Variants in R3HDM1 observed in about 807,000 individuals in gnomAD.
R3HDM1 encodes R3H domain containing 1, also known as R3H domain-containing protein 1.
A neutral mutation model predicts 141.1 loss-of-function variants in R3HDM1; 46 were observed. That is an observed-to-expected ratio of 0.33 (90% confidence interval 0.26 to 0.42). R3HDM1 has a LOEUF of 0.42. Ranked by LOEUF, R3HDM1 falls within the 10% of genes least tolerant of loss-of-function variation. R3HDM1 has a pLI of 1.00. For missense variants in R3HDM1, 1,184 were observed against 1,368.3 expected (o/e 0.87, Z 2.12); for synonymous variants, 435 against 472.9 (o/e 0.92, Z 1.04).
chr2:135,667,845 T>G lies in R3HDM1; in HGVS notation c.2152+6452T>G, dbSNP rs917348978. 4 of 835,590 alleles carry G rather than the reference T, an allele frequency of 4.8e-6. No homozygotes were observed. In the African/African-American group the frequency reaches 7.4e-5, roughly 16 times the overall value. 51.8% of individuals were successfully genotyped at this position (835,590 alleles called of 1,614,324 possible). ...AGAACTCTGTACCCACTCTTGCTTTTGTCTGAATAATTAGACAAGGAACCT... is the reference window on the plus strand; with the variant it reads ...AGAACTCTGTACCCACTCTTGCTTTGGTCTGAATAATTAGACAAGGAACCT... On this transcript the variant is annotated intron_variant, in intron 19 of 26. Transcript: ENST00000683871.
At chr2:135,705,515 G>A (rs1175720106) in intron 21 of R3HDM1, among the ~76,000 whole-genome samples, 1 of 152,150 alleles carries the variant, frequency 6.6e-6, no homozygotes, top group Admixed American at 6.5e-5. Flanking sequence ...GTGGGCGCTT[G>A]TAGTTAGCTA....
intron 1 of R3HDM1, among the ~76,000 whole-genome samples, chr2:135,557,311 T>G (rs1295542539): frequency 6.6e-6 from 1 of 152,180 alleles, no homozygotes; most frequent in Non-Finnish European, 1.5e-5. Context: ...AAGTATATCC[T>G]TTGTATCTTT....
Position 135,719,498 on chromosome 2 carries a change from G to C in R3HDM1, c.2882-2426G>C, listed in dbSNP as rs74602604. Among the ~76,000 whole-genome samples the C allele has an allele frequency of 2.0e-5, 3 of 151,778 alleles. No individual in the cohort carries two copies. The South Asian group carries it at 6.3e-4, about 32-fold the overall frequency. Reference sequence around the variant, plus strand: ...GTCTCAAAAATTAAAAAAAAAAAAGGAGTTATCCATTAGATATAAATGTTT... The same window carrying C: ...GTCTCAAAAATTAAAAAAAAAAAAGCAGTTATCCATTAGATATAAATGTTT... On this transcript the variant is annotated intron_variant, in intron 24 of 26. Transcript: ENST00000683871.
intron 21 of R3HDM1, among the ~76,000 whole-genome samples, chr2:135,680,567 C>T (rs2070107867): frequency 1.3e-5 from 2 of 152,296 alleles, no homozygotes; most frequent in African/African-American, 4.8e-5. Context: ...GTCAGGCATT[C>T]AAAACCAGCC....
intron 21 of R3HDM1, among the ~76,000 whole-genome samples, chr2:135,682,910 T>C (rs1031849665): frequency 1.3e-4 from 20 of 151,968 alleles, no homozygotes; most frequent in African/African-American, 4.8e-4. Context: ...GGCAGGATAA[T>C]TGCTTGAACC....
At chr2:135,646,665 TG>T (rs1376878305) in intron 16 of R3HDM1, among the ~76,000 whole-genome samples, 1 of 150,856 alleles carries the variant, frequency 6.6e-6, no homozygotes, top group Non-Finnish European at 1.5e-5. Context: ...CTGGCCCAAA[TG>T]GTGAAACCCC....
chr2:135,631,839 T>G (rs1230744436), intron 8 of R3HDM1, 22 bp from the exon 9 acceptor site: 13 of 1,596,576 alleles, frequency 8.1e-6, no homozygotes, highest in African/African-American at 1.4e-5. Context: ...ACTTACTAAG[T>G]TGGTTTTTCT....
intron 21 of R3HDM1, among the ~76,000 whole-genome samples, chr2:135,684,182 C>T (rs564741085): frequency 1.1e-4 from 16 of 152,098 alleles, no homozygotes; most frequent in Admixed American, 2.0e-4. Flanking sequence ...GCTTCACCTC[C>T]CAGGTTCACG....
chr2:135,532,562 A>ATAT (rs1559067933), intron 1 of R3HDM1, among the ~76,000 whole-genome samples: 1 of 150,390 alleles, frequency 6.6e-6, no homozygotes, highest in African/African-American at 2.4e-5. Context: ...AAATTTTCTA[A>ATAT]ATATATATAT....
chr2:135,550,045 C>T (rs1699547544), intron 1 of R3HDM1: 1 of 983,082 alleles, frequency 1.0e-6, no homozygotes, highest in Non-Finnish European at 1.2e-6. Context: ...TTCATAAGAC[C>T]CAAGTTTAAA....
At chr2:135,551,489 A>G (rs1487887299) in intron 1 of R3HDM1, among the ~76,000 whole-genome samples, 1 of 152,226 alleles carries the variant, frequency 6.6e-6, no homozygotes, top group Non-Finnish European at 1.5e-5. Context: ...CAATAATGAA[A>G]AAAAAACAGT....
intron 1 of R3HDM1, among the ~76,000 whole-genome samples, chr2:135,537,393 C>G: frequency 7.1e-6 from 1 of 140,246 alleles, no homozygotes. Flanking sequence ...TCAAGTGATT[C>G]TCCTTCCTCA....
intron 26 of R3HDM1, among the ~76,000 whole-genome samples, chr2:135,722,936 T>G (rs1363000676): frequency 6.6e-6 from 1 of 152,118 alleles, no homozygotes; most frequent in African/African-American, 2.4e-5. Context: ...TATTTTAACT[T>G]TCTACTCAGC....
At chr2:135,586,946 T>C in intron 1 of R3HDM1, 1 of 985,176 alleles carries the variant, frequency 1.0e-6, no homozygotes, top group Middle Eastern at 5.2e-4. Flanking sequence ...GAATGAGACT[T>C]TTGGAAATTA....
At chr2:135,723,169 T>C (rs978935145) in intron 26 of R3HDM1, among the ~76,000 whole-genome samples, 4 of 152,066 alleles carry the variant, frequency 2.6e-5, no homozygotes, top group African/African-American at 9.7e-5. Context: ...TTGCCCATGC[T>C]GGAGTGCAGT....
At chr2:135,667,085 T>C (rs910374876) in intron 19 of R3HDM1, 2 of 901,052 alleles carry the variant, frequency 2.2e-6, no homozygotes, top group African/African-American at 3.6e-5. Context: ...TTCTGTGTTA[T>C]TAAGAATGCT....
intron 6 of R3HDM1, 100 bp downstream of exon 6, chr2:135,621,708 A>G (rs899209412): frequency 2.3e-5 from 31 of 1,364,988 alleles, no homozygotes; most frequent in Non-Finnish European, 2.7e-5. Context: ...TTTATGTAAA[A>G]TGACACAGAA....
At chr2:135,642,819 G>A (rs1455941982) in intron 15 of R3HDM1, among the ~76,000 whole-genome samples, 1 of 151,996 alleles carries the variant, frequency 6.6e-6, no homozygotes, top group Non-Finnish European at 1.5e-5. Context: ...TTTTTAAGAC[G>A]AAGTATGCAA....
chr2:135,634,529 A>G (rs963568548), intron 9 of R3HDM1, among the ~76,000 whole-genome samples: 2 of 152,094 alleles, frequency 1.3e-5, no homozygotes, highest in Non-Finnish European at 2.9e-5. Flanking sequence ...CTGTAATTCC[A>G]CCTACTCAGA....
Sources: allele counts gnomAD v4.1 joint callset (sites outside exome capture counted in the v4.1 genomes callset), GRCh38; gene constraint gnomAD v4.1.1; transcripts MANE v1.5; gene names NCBI Gene and HGNC (gene_info 2026-07-23, HGNC 2026-07-21).